Variants in GLI3 observed in about 807,000 individuals in gnomAD.
GLI3 encodes the protein transcription activator GLI3.
A neutral mutation model predicts 100.8 loss-of-function variants in GLI3; 20 were observed. The ratio of observed to expected loss-of-function variants is 0.20; its 90% CI spans 0.14 to 0.29. GLI3 has a LOEUF of 0.29. GLI3 is among the 10% of genes least tolerant of loss of function. The pLI is 1.00. For synonymous variants in GLI3, 938 were observed against 860.5 expected, an observed-to-expected ratio of 1.09 and a Z score of -1.58; for missense variants, 2,040 against 2,128.5, an observed-to-expected ratio of 0.96 and a Z score of 0.82.
At chr7:42,043,656 C>T (rs893537611) in intron 6 of GLI3, among the ~76,000 whole-genome samples, 1 of 152,134 alleles carries the variant, frequency 6.6e-6, no homozygotes, top group Admixed American at 6.5e-5. Flanking sequence ...TACTTAATGA[C>T]AATCAATTTA....
chr7:42,030,887 T>G (rs1399942911), intron 7 of GLI3, among the ~76,000 whole-genome samples: 1 of 151,826 alleles, frequency 6.6e-6, no homozygotes, highest in African/African-American at 2.4e-5. Context: ...CCCAGCTAAT[T>G]TTTGTATTTT....
intron 2 of GLI3, among the ~76,000 whole-genome samples, chr7:42,156,321 T>A (rs1000692662): frequency 6.6e-6 from 1 of 152,222 alleles, no homozygotes; most frequent in African/African-American, 2.4e-5. Context: ...TGCCAGTCGC[T>A]GCTTACACAG....
intron 2 of GLI3, among the ~76,000 whole-genome samples, chr7:42,169,487 C>T (rs1387869695): frequency 6.6e-6 from 1 of 152,100 alleles, no homozygotes; most frequent in Non-Finnish European, 1.5e-5. Flanking sequence ...AAGGAGCATG[C>T]ACTGTTATTA....
At chr7:42,187,113 A>T (rs2058019) in intron 2 of GLI3, among the ~76,000 whole-genome samples, 2,682 of 151,328 alleles carry the variant, frequency 0.018, 60 homozygotes, top group Middle Eastern at 0.075. Context: ...TGGGAGGTTG[A>T]GGTGGAAGGA....
intron 10 of GLI3, among the ~76,000 whole-genome samples, chr7:41,987,227 G>A (rs1352763739): frequency 6.6e-6 from 1 of 151,944 alleles, no homozygotes; most frequent in African/African-American, 2.4e-5. Flanking sequence ...GGAGTGCAGT[G>A]GTATGATCTC....
At chr7:42,020,889 CAAAAAAAAAAAAAAAAAAAA>C (rs371389453) in intron 10 of GLI3, among the ~76,000 whole-genome samples, 1 of 113,122 alleles carries the variant, frequency 8.8e-6, no homozygotes, top group Non-Finnish European at 1.8e-5. Flanking sequence ...GACTCCGTCT[CAAAAAAAAAAAAAAAAAAAA>C]AAAAAAAAAA....
At chr7:42,205,048 C>T (rs936503839) in intron 2 of GLI3, among the ~76,000 whole-genome samples, 1 of 152,180 alleles carries the variant, frequency 6.6e-6, no homozygotes, top group Admixed American at 6.5e-5. Context: ...GGTGTGCTTT[C>T]AAGTGTACGA....
intron 10 of GLI3, among the ~76,000 whole-genome samples, chr7:42,023,244 C>T (rs1162832108): frequency 6.6e-6 from 1 of 152,216 alleles, no homozygotes; most frequent in Non-Finnish European, 1.5e-5. Flanking sequence ...AGTCATTACA[C>T]TCTCTATTGA....
At chr7:42,262,028 C>CTCTTTCTT (rs147898461) in intron 1 of GLI3, among the ~76,000 whole-genome samples, 47 of 145,660 alleles carry the variant, frequency 3.2e-4, no homozygotes, top group African/African-American at 1.1e-3. Context: ...CTCTCTCTCT[C>CTCTTTCTT]TCTTTCTTTC....
In GLI3 at chr7:42,148,438, C is replaced by G; in HGVS notation, c.155G>C (p.Arg52Thr). 6.2e-7 allele frequency: 1 copy of G among 1,613,864 alleles called. No individual in the cohort carries two copies. Residue 52 changes from arginine to threonine, a missense_variant, in exon 3 of 15, where the codon AGA becomes ACA. Transcript: ENST00000395925. ...EDESPGQTYH[R>T]ERRNAITMQP... is the part of the protein sequence containing the mutation. Reference sequence around the variant, plus strand: ...CATAGTGATTGCGTTTCTTCTCTCTCTGTGATAAGTCTGTCCAGGACTTTC... The same window carrying G: ...CATAGTGATTGCGTTTCTTCTCTCTGTGTGATAAGTCTGTCCAGGACTTTC...
At chr7:42,013,642 G>A (rs1456584157) in intron 10 of GLI3, among the ~76,000 whole-genome samples, 1 of 151,982 alleles carries the variant, frequency 6.6e-6, no homozygotes, top group East Asian at 1.9e-4. Flanking sequence ...CAAAGTGCTG[G>A]GATTATAGGC....
chr7:42,171,163 G>A (rs1787364767), intron 2 of GLI3, among the ~76,000 whole-genome samples: 1 of 152,146 alleles, frequency 6.6e-6, no homozygotes, highest in African/African-American at 2.4e-5. Flanking sequence ...AGACTTGATT[G>A]CAAAAATTTT....
chr7:41,989,074 C>T (rs1294235373), intron 10 of GLI3, among the ~76,000 whole-genome samples: 6 of 152,132 alleles, frequency 3.9e-5, no homozygotes, highest in South Asian at 2.1e-4. Context: ...TTTTAAATAT[C>T]GACTTTGTTT....
At chr7:42,077,219 T>C (rs953961240) in intron 3 of GLI3, among the ~76,000 whole-genome samples, 1 of 152,140 alleles carries the variant, frequency 6.6e-6, no homozygotes, top group Non-Finnish European at 1.5e-5. Context: ...AACACACTTA[T>C]TTGAAAAATA....
intron 2 of GLI3, among the ~76,000 whole-genome samples, chr7:42,160,093 G>T (rs1787097373): frequency 6.6e-6 from 1 of 152,166 alleles, no homozygotes; most frequent in Non-Finnish European, 1.5e-5. Context: ...AAGGCAGATA[G>T]TAAAACTTGC....
chr7:42,245,777 A>G (rs2128709646), intron 1 of GLI3, among the ~76,000 whole-genome samples: 2 of 152,298 alleles, frequency 1.3e-5, no homozygotes, highest in African/African-American at 4.8e-5. Flanking sequence ...TGCCAGGCAC[A>G]TAGGCAATCA....
At chr7:42,256,856 A>C (rs2128711264) in intron 1 of GLI3, among the ~76,000 whole-genome samples, 1 of 152,338 alleles carries the variant, frequency 6.6e-6, no homozygotes, top group Non-Finnish European at 1.5e-5. Context: ...TTCAATTTAA[A>C]TATCAATTTC....
rs1787195905 is a variant in GLI3 at position 41,966,724 on chromosome 7, T to C, written c.2432-83A>G. ...ACACCAGGCATGAGCAACCCTTTTC[T>C]GTAAAGGGCCAGCTAGGAACTATTT... is the stretch of plus-strand genomic sequence containing the variant. On this transcript the variant is annotated intron_variant, in intron 14 of 14. Transcript: ENST00000395925. This position sits in a 1 kb window ranked among gnomAD's most constrained non-coding sequence, Gnocchi z 5.8. The C allele has an allele frequency of 7.3e-7, 1 of 1,371,806 alleles. No individual in the cohort carries two copies. The highest frequency in any genetic ancestry group is 1.0e-6 in the Non-Finnish European group (1 of 967,616). The allele number at this position is 1,371,806 out of a possible 1,614,324, so 85.0% of individuals were successfully genotyped here.
chr7:42,188,551 A>G (rs62443810), intron 2 of GLI3, among the ~76,000 whole-genome samples: 22,052 of 152,212 alleles, frequency 0.14, 2,087 homozygotes, highest in Non-Finnish European at 0.22. Flanking sequence ...ACATGAACAC[A>G]CCACAGAGAT....
Sources: gnomAD v4.1 joint callset for allele counts (sites outside exome capture counted in the v4.1 genomes callset) on GRCh38, gnomAD v4.1.1 for gene constraint, Gnocchi (gnomAD v3.1) non-coding constraint, MANE v1.5 for transcripts, NCBI Gene and HGNC (gene_info 2026-07-23, HGNC 2026-07-21) for gene names.